BTAF1: variants seen among roughly 807,000 people sequenced by gnomAD.
BTAF1 encodes B-TFIID TATA-box binding protein associated factor 1, also known as TATA-binding protein-associated factor 172.
A neutral mutation model predicts 227.1 loss-of-function variants in BTAF1; 38 were observed. That is an observed-to-expected ratio of 0.17 (90% CI 0.13 to 0.22). The LOEUF (loss-of-function observed/expected upper bound fraction) is 0.22, where lower values mean the gene tolerates loss of function less well. BTAF1 is among the 10% of genes least tolerant of loss of function. The pLI, the probability that BTAF1 is intolerant of heterozygous loss-of-function variation, is 1.00. For synonymous variants in BTAF1, 742 were observed against 751.9 expected, an observed-to-expected ratio of 0.99 and a Z score of 0.21; for missense variants, 1,598 against 2,204.0, an observed-to-expected ratio of 0.73 and a Z score of 5.51.
At chr10:92,021,331 TTGACTATGTGA>T (rs1851103548) in intron 34 of BTAF1, among the ~76,000 whole-genome samples, 1 of 152,164 alleles carries the variant, frequency 6.6e-6, no homozygotes, top group Non-Finnish European at 1.5e-5. Context: ...TAGGTGTATT[TTGACTATGTGA>T]GACTTAGCAA....
chr10:91,957,226 C>T lies in BTAF1; in HGVS notation c.833C>T (p.Thr278Ile). 1.2e-6 allele frequency: 2 copies of T among 1,611,864 alleles called. No homozygotes were observed. The highest frequency in any genetic ancestry group is 1.7e-4 in the Middle Eastern group (1 of 6,034). Residue 278 changes from threonine (T) to isoleucine (I), a missense_variant and splice_region_variant, in exon 8 of 38, where the codon ACA (threonine) becomes ATA (isoleucine). By Grantham distance (89) the Thr-to-Ile change is moderately conservative. Coordinates refer to ENST00000265990, the MANE Select transcript of BTAF1 (RefSeq NM_003972.3). Reference sequence around the variant, plus strand: ...AGTAATTCTGTTTTTCTTATTCAGACAAATGAATGGCCTTTGGAAAGCTTT... The same window carrying T: ...AGTAATTCTGTTTTTCTTATTCAGATAAATGAATGGCCTTTGGAAAGCTTT... ...IPDSSSLIEE[T>I]NEWPLESFCE... is the part of the protein sequence containing the mutation.
At chr10:91,978,091 G>T (rs1847811053) in intron 14 of BTAF1, among the ~76,000 whole-genome samples, 1 of 152,110 alleles carries the variant, frequency 6.6e-6, no homozygotes. Context: ...TGACAAACAT[G>T]ATGTCATGTA....
intron 2 of BTAF1, among the ~76,000 whole-genome samples, chr10:91,938,006 T>G (rs1352367580): frequency 6.6e-6 from 1 of 152,232 alleles, no homozygotes; most frequent in African/African-American, 2.4e-5. Context: ...CCCTGATGAC[T>G]AATGATATCA....
chr10:92,016,248 A>G, intron 32 of BTAF1, 92 bp from the exon 33 acceptor site: 1 of 1,460,080 alleles, frequency 6.8e-7, no homozygotes, highest in East Asian at 2.5e-5. Flanking sequence ...GCTGATTTAA[A>G]TTACTGCTGT....
chr10:91,991,838 C>CACAT (rs1554860585), intron 20 of BTAF1, among the ~76,000 whole-genome samples: 181 of 145,820 alleles, frequency 1.2e-3, no homozygotes, highest in African/African-American at 3.9e-3. Flanking sequence ...TATATACACA[C>CACAT]ATATATACAC....
At chr10:91,941,662 A>G (rs1427339902) in intron 3 of BTAF1, among the ~76,000 whole-genome samples, 5 of 152,184 alleles carry the variant, frequency 3.3e-5, no homozygotes, top group African/African-American at 9.6e-5. Flanking sequence ...GATTCTTATT[A>G]GCCTTATTCA....
intron 20 of BTAF1, among the ~76,000 whole-genome samples, chr10:91,991,791 GTGTGTGTATA>G (rs1440210133): frequency 6.0e-4 from 41 of 68,472 alleles, no homozygotes; most frequent in South Asian, 9.7e-4. Flanking sequence ...GTGTGTGTGT[GTGTGTGTATA>G]TATATATATA....
chr10:91,940,648 A>C (rs1844923595), intron 3 of BTAF1, among the ~76,000 whole-genome samples: 1 of 151,664 alleles, frequency 6.6e-6, no homozygotes, highest in South Asian at 2.1e-4. Flanking sequence ...ACTGACTTTT[A>C]TTTTATTTTA....
At chr10:91,994,475 T>C in intron 22 of BTAF1, 60 bp from the exon 23 acceptor site, 2 of 1,293,504 alleles carry the variant, frequency 1.5e-6, no homozygotes, top group Non-Finnish European at 2.2e-6. Context: ...TAAAAGTTTT[T>C]GTGTGCTCTA....
intron 34 of BTAF1, among the ~76,000 whole-genome samples, chr10:92,023,065 T>C (rs1219071602): frequency 1.3e-5 from 2 of 152,298 alleles, no homozygotes; most frequent in East Asian, 3.9e-4. Context: ...TGGTCACATA[T>C]ACTCCCTTTG....
In BTAF1 at chr10:92,028,879, A is replaced by G; in HGVS notation, c.5496A>G (p.Gln1832=). 3 of 1,609,534 alleles carry G rather than the reference A, an allele frequency of 1.9e-6. No individual in the cohort carries two copies. The highest frequency in any genetic ancestry group is 2.5e-6 in the Non-Finnish European group (3 of 1,178,252). Residue 1832 remains glutamine, a synonymous_variant, in exon 38 of 38, where the codon CAA becomes CAG. Coordinates refer to ENST00000265990, the MANE Select transcript of BTAF1 (RefSeq NM_003972.3). ...ILENLSDLWD[Q]EQYDSEYSLE... is the part of the protein sequence containing the mutation. ...AAAACCTGAGTGATCTTTGGGATCA[A>G]GAGCAGTATGATTCAGAGTACAGCC...
At chr10:91,963,466 C>G (rs1319607247) in intron 12 of BTAF1, among the ~76,000 whole-genome samples, 2 of 152,044 alleles carry the variant, frequency 1.3e-5, no homozygotes, top group Non-Finnish European at 2.9e-5. Flanking sequence ...GGGAGTCCCC[C>G]TATGTTGCCG....
intron 3 of BTAF1, 152 bp downstream of exon 3, chr10:91,940,218 G>T: frequency 1.1e-4 from 32 of 299,864 alleles, no homozygotes; most frequent in East Asian, 1.7e-4. Context: ...TGAATAAGGT[G>T]ATTTTTCACC....
intron 7 of BTAF1, among the ~76,000 whole-genome samples, 196 bp from the exon 8 acceptor site, chr10:91,957,029 A>G (rs960274946): frequency 2.8e-4 from 42 of 152,272 alleles, no homozygotes; most frequent in Admixed American, 2.7e-3. Flanking sequence ...TCAAACTAAT[A>G]TATCATTGAA....
intron 17 of BTAF1, 176 bp from the exon 18 acceptor site, chr10:91,982,411 T>C (rs1168490304): frequency 1.9e-6 from 2 of 1,055,634 alleles, no homozygotes; most frequent in African/African-American, 3.2e-5. Flanking sequence ...TAAAATAGGA[T>C]TTATATCTTC....
intron 34 of BTAF1, among the ~76,000 whole-genome samples, chr10:92,021,499 C>G (rs1050642818): frequency 2.2e-4 from 33 of 151,834 alleles, no homozygotes; most frequent in Admixed American, 2.2e-3. Flanking sequence ...ATCATAGTTT[C>G]ACTGTATTTC....
At chr10:92,016,552 C>T in intron 33 of BTAF1, 87 bp downstream of exon 33, 1 of 1,159,040 alleles carries the variant, frequency 8.6e-7, no homozygotes, top group Non-Finnish European at 1.2e-6. Flanking sequence ...GATCTCGGCT[C>T]ACTGCAACCT....
At chr10:91,963,688 A>G (rs1391192224) in intron 12 of BTAF1, among the ~76,000 whole-genome samples, 1 of 152,220 alleles carries the variant, frequency 6.6e-6, no homozygotes, top group African/African-American at 2.4e-5. Context: ...CTTAAAAACT[A>G]AATTTTTTTT....
intron 32 of BTAF1, among the ~76,000 whole-genome samples, chr10:92,015,373 C>A (rs934010033): frequency 6.6e-6 from 1 of 152,162 alleles, no homozygotes; most frequent in Non-Finnish European, 1.5e-5. Context: ...AAGAGATATA[C>A]ATACCCAGAA....
Sources: gnomAD v4.1 joint callset for allele counts (sites outside exome capture counted in the v4.1 genomes callset) on GRCh38, gnomAD v4.1.1 for gene constraint, MANE v1.5 for transcripts, NCBI Gene and HGNC (gene_info 2026-07-23, HGNC 2026-07-21) for gene names.